Variants in DIAPH2 observed in about 807,000 individuals in gnomAD.
DIAPH2 encodes the protein protein diaphanous homolog 2.
In DIAPH2, 35 loss-of-function variants were observed where a neutral mutation model predicts 92.7. The ratio of observed to expected loss-of-function variants is 0.38; its 90% CI spans 0.29 to 0.50. The LOEUF is 0.50. DIAPH2 is among the 20% of genes least tolerant of loss of function. The pLI is 0.94. For synonymous variants in DIAPH2, 301 were observed against 280.4 expected (o/e 1.07, Z -0.73); for missense variants, 701 against 819.5 (o/e 0.86, Z 1.77).
intron 17 of DIAPH2, among the ~76,000 whole-genome samples, chrX:97,035,062 C>G (rs1396527445): frequency 1.8e-5 from 2 of 111,781 alleles, no homozygotes; most frequent in Non-Finnish European, 3.8e-5. Flanking sequence ...GTAAGAAATA[C>G]ACAAGAGGAA....
intron 19 of DIAPH2, among the ~76,000 whole-genome samples, chrX:97,098,071 A>G (rs138062229): frequency 8.8e-4 from 98 of 111,438 alleles, no homozygotes; most frequent in African/African-American, 3.0e-3. Flanking sequence ...GAAAGGCAAA[A>G]TTGAGTGGGA....
intron 1 of DIAPH2, among the ~76,000 whole-genome samples, chrX:96,727,569 A>G (rs1465988857): frequency 1.8e-5 from 2 of 111,818 alleles, no homozygotes; most frequent in Non-Finnish European, 3.8e-5. Flanking sequence ...TCAGATCCCT[A>G]CCCAACAATT....
intron 23 of DIAPH2, among the ~76,000 whole-genome samples, chrX:97,298,193 T>G (rs1350420291): frequency 1.8e-5 from 2 of 109,152 alleles, no homozygotes; most frequent in East Asian, 5.6e-4. Context: ...AGTAAGTAGC[T>G]GAAATTTGAA....
At chrX:97,091,070 A>C (rs1339913989) in intron 19 of DIAPH2, among the ~76,000 whole-genome samples, 1 of 110,770 alleles carries the variant, frequency 9.0e-6, no homozygotes, top group Non-Finnish European at 1.9e-5. Flanking sequence ...GCAGTGGCAC[A>C]ATCTTGGCTC....
At chrX:96,715,410 T>G (rs1217796914) in intron 1 of DIAPH2, among the ~76,000 whole-genome samples, 3 of 111,882 alleles carry the variant, frequency 2.7e-5, no homozygotes, top group Non-Finnish European at 5.6e-5. Context: ...AACATGAATA[T>G]TCACCTTATG....
chrX:96,847,665 G>A (rs1396919886), intron 4 of DIAPH2, among the ~76,000 whole-genome samples: 1 of 110,559 alleles, frequency 9.0e-6, no homozygotes, highest in Non-Finnish European at 1.9e-5. Context: ...AGTGGTACAT[G>A]TGCAAGTTTG....
intron 4 of DIAPH2, among the ~76,000 whole-genome samples, chrX:96,857,136 G>A (rs1018763034): frequency 2.7e-5 from 3 of 111,594 alleles, no homozygotes; most frequent in Non-Finnish European, 5.6e-5. Context: ...AGCTGAAAAC[G>A]TAAAATATCC....
rs190740129 is a variant in DIAPH2, at chrX:97,230,586, C to T, written c.2720-17129C>T. On this transcript the variant is annotated intron_variant, in intron 22 of 26. Coordinates refer to ENST00000324765, the MANE Select transcript of DIAPH2 (RefSeq NM_006729.5). ...TGTTTTGTTTTTAAACGGAGTTTGG[C>T]TCTTGTTGCCTAGGCTGGAGTGCAA... Among the ~76,000 whole-genome samples, 58 of 112,150 alleles carry T rather than the reference C, an allele frequency of 5.2e-4. No individual in the cohort carries two copies. The Admixed American group carries it at 5.4e-3, about 10-fold the overall frequency.
intron 20 of DIAPH2, among the ~76,000 whole-genome samples, chrX:97,111,811 A>G (rs752416288): frequency 1.8e-4 from 20 of 111,930 alleles, no homozygotes. Flanking sequence ...CCTGCATTCA[A>G]ATCTTCAGGT....
At chrX:96,834,195 C>T (rs1440059329) in intron 4 of DIAPH2, among the ~76,000 whole-genome samples, 1 of 111,634 alleles carries the variant, frequency 9.0e-6, no homozygotes, top group African/African-American at 3.3e-5. Flanking sequence ...CTGCAATACT[C>T]CAAACCTAAA....
rs199756186 is a variant in DIAPH2, at chrX:97,004,543, ATATTT to A, written c.2050+39347_2050+39351del. ...TTTCAGTTCATTGGTTAATTCCTAG[ATATTT>A]TATTTTATTTGTAGCTGTTGTAAAT... On this transcript the variant is annotated intron_variant, in intron 17 of 26. Coordinates refer to ENST00000324765, the MANE Select transcript of DIAPH2 (RefSeq NM_006729.5). Among the ~76,000 whole-genome samples, 1,089 of 111,047 alleles carry A rather than the reference ATATTT, an allele frequency of 9.8e-3. 13 individuals carry two copies. The highest frequency in any genetic ancestry group is 0.034 in the African/African-American group (1,028 of 30,589).
chrX:96,940,794 C>T (rs897230937), intron 12 of DIAPH2, among the ~76,000 whole-genome samples: 22 of 111,121 alleles, frequency 2.0e-4, no homozygotes, highest in African/African-American at 6.9e-4. Context: ...GTACTGTGCC[C>T]AAAGGTACTC....
intron 16 of DIAPH2, among the ~76,000 whole-genome samples, chrX:96,959,101 T>C (rs1021583119): frequency 4.5e-5 from 5 of 111,759 alleles, no homozygotes; most frequent in Non-Finnish European, 9.4e-5. Flanking sequence ...TTCCTTTGTA[T>C]AAATACTCAG....
intron 21 of DIAPH2, among the ~76,000 whole-genome samples, chrX:97,125,874 T>C (rs1474727692): frequency 8.9e-6 from 1 of 111,940 alleles, no homozygotes; most frequent in Non-Finnish European, 1.9e-5. Context: ...TTAACAAAAA[T>C]ACATTTTTTT....
At chrX:97,294,584 A>G (rs1304627764) in intron 23 of DIAPH2, among the ~76,000 whole-genome samples, 1 of 111,719 alleles carries the variant, frequency 9.0e-6, no homozygotes, top group Non-Finnish European at 1.9e-5. Context: ...ACAGATGATT[A>G]TAGGAATGTA....
chrX:97,395,395 T>C (rs2069695462), intron 25 of DIAPH2, among the ~76,000 whole-genome samples: 1 of 111,874 alleles, frequency 8.9e-6, no homozygotes, highest in Non-Finnish European at 1.9e-5. Context: ...ATGTGGCACA[T>C]AGATATAATT....
At chrX:97,307,189 C>A (rs1363468475) in intron 23 of DIAPH2, among the ~76,000 whole-genome samples, 1 of 112,002 alleles carries the variant, frequency 8.9e-6, no homozygotes, top group Admixed American at 9.5e-5. Context: ...GTTACAAAAC[C>A]CTTGCCTTGT....
chrX:97,560,984 G>T (rs1418608696), intron 26 of DIAPH2, among the ~76,000 whole-genome samples: 3 of 112,130 alleles, frequency 2.7e-5, no homozygotes, highest in Non-Finnish European at 5.6e-5. Context: ...ACATTACCAT[G>T]CATTTCAGCA....
intron 26 of DIAPH2, among the ~76,000 whole-genome samples, chrX:97,565,067 A>G (rs1343087801): frequency 1.2e-4 from 13 of 111,852 alleles, no homozygotes; most frequent in Non-Finnish European, 2.1e-4. Context: ...TTCTTGTCCT[A>G]CTTTGGACTC....
Sources: allele counts gnomAD v4.1 joint callset (sites outside exome capture counted in the v4.1 genomes callset), GRCh38; gene constraint gnomAD v4.1.1; transcripts MANE v1.5; gene names NCBI Gene and HGNC (gene_info 2026-07-23, HGNC 2026-07-21).